The following LAMA3 variants were observed in gnomAD, a reference collection of about 807,000 sequenced individuals.
LAMA3 encodes the protein laminin subunit alpha-3.
In LAMA3, 281 loss-of-function variants were observed where a neutral mutation model predicts 402.0. The ratio of observed to expected loss-of-function variants is 0.70; its 90% CI spans 0.63 to 0.77. The LOEUF is 0.77. Among genes scored for constraint, LAMA3 ranks in the 30% least tolerant of loss-of-function variants. LAMA3 has a pLI of 0.00. For missense variants in LAMA3, 3,840 were observed against 4,215.5 expected (o/e 0.91, Z 2.47); for synonymous variants, 1,431 against 1,558.4 (o/e 0.92, Z 1.93).
intron 38 of LAMA3, among the ~76,000 whole-genome samples, chr18:23,874,966 C>T (rs1033989548): frequency 2.6e-5 from 4 of 152,148 alleles, no homozygotes; most frequent in East Asian, 1.9e-4. Context: ...CAGGTTCAAG[C>T]GATCCTCCCA....
In LAMA3 at chr18:23,853,435, G is replaced by A. The variant is rs570781667; in HGVS notation, c.4137-4409G>A. On this transcript the variant is annotated intron_variant, in intron 32 of 74. Transcript: ENST00000313654. ...ATTACAGGCATGCACCACCACACCC[G>A]GCTAATTTTGTATTTTTAGTAGAGA... Among the ~76,000 whole-genome samples the A allele has an allele frequency of 1.6e-3, 251 of 152,144 alleles. 2 individuals carry two copies. Among genetic ancestry groups the A allele is most frequent in the Middle Eastern group, 0.01 (3 of 294 alleles).
At chr18:23,799,373 GTTGGTGT>G (rs937810031) in intron 12 of LAMA3, among the ~76,000 whole-genome samples, 1 of 152,354 alleles carries the variant, frequency 6.6e-6, no homozygotes, top group South Asian at 2.1e-4. Context: ...CAATGCTAGA[GTTGGTGT>G]TTGGGATTTG....
chr18:23,714,376 C>T (rs528918144), intron 2 of LAMA3, among the ~76,000 whole-genome samples: 3 of 151,918 alleles, frequency 2.0e-5, no homozygotes, highest in African/African-American at 4.8e-5. Flanking sequence ...AAAAATTAGC[C>T]GGGTGTGGTG....
chr18:23,770,936 T>C lies in LAMA3; in HGVS notation c.1183-2561T>C, dbSNP rs1186546608. Among the ~76,000 whole-genome samples the C allele has an allele frequency of 5.3e-5, 8 of 152,312 alleles. No individual in the cohort carries two copies. In the East Asian group the frequency reaches 1.3e-3, roughly 26 times the overall value. On this transcript the variant is annotated intron_variant, in intron 8 of 74. Transcript: ENST00000313654. ...TGACAACATCAAATTTTGGTGAGAA[T>C]GTGGAATAACCACACCTATTCATCA...
chr18:23,752,810 TCAA>T (rs762116077), intron 5 of LAMA3, among the ~76,000 whole-genome samples: 7 of 152,216 alleles, frequency 4.6e-5, no homozygotes, highest in African/African-American at 1.2e-4. Flanking sequence ...GCAGCCACAC[TCAA>T]CAACAACAAC....
intron 2 of LAMA3, among the ~76,000 whole-genome samples, chr18:23,741,774 T>C (rs755151566): frequency 6.6e-6 from 1 of 152,162 alleles, no homozygotes; most frequent in Non-Finnish European, 1.5e-5. Flanking sequence ...CTTAGCATTA[T>C]CAATAATAGG....
At chr18:23,706,935 G>A (rs1478575436) in intron 1 of LAMA3, among the ~76,000 whole-genome samples, 1 of 152,142 alleles carries the variant, frequency 6.6e-6, no homozygotes, top group African/African-American at 2.4e-5. Flanking sequence ...AAAATTAGCT[G>A]GACGTGGTGG....
intron 32 of LAMA3, among the ~76,000 whole-genome samples, chr18:23,853,567 C>T (rs1448219075): frequency 6.6e-6 from 1 of 152,136 alleles, no homozygotes; most frequent in Non-Finnish European, 1.5e-5. Flanking sequence ...CCACTGCACC[C>T]GGCCCCTTAA....
chr18:23,766,735 A>G (rs1233972074), intron 8 of LAMA3, among the ~76,000 whole-genome samples: 1 of 152,076 alleles, frequency 6.6e-6, no homozygotes, highest in Non-Finnish European at 1.5e-5. Context: ...GATACTCGGG[A>G]GGCTGAGGCA....
intron 12 of LAMA3, among the ~76,000 whole-genome samples, chr18:23,803,773 C>G (rs1475937246): frequency 6.6e-6 from 1 of 152,224 alleles, no homozygotes; most frequent in Admixed American, 6.5e-5. Context: ...TGTGCTGCAG[C>G]TGTCCACTTT....
chr18:23,747,823 G>A, intron 2 of LAMA3, 120 bp from the exon 3 acceptor site: 1 of 734,712 alleles, frequency 1.4e-6, no homozygotes, highest in Non-Finnish European at 2.5e-6. Flanking sequence ...TCAGGATCGG[G>A]ATCTTGAGCA....
At chr18:23,947,713 T>G (rs2082754763) in intron 70 of LAMA3, among the ~76,000 whole-genome samples, 1 of 152,104 alleles carries the variant, frequency 6.6e-6, no homozygotes, top group Admixed American at 6.5e-5. Context: ...TATCCATTAT[T>G]TATAATACAC....
At chr18:23,890,257 A>C (rs979967925) in intron 42 of LAMA3, 140 bp downstream of exon 42, 2 of 693,546 alleles carry the variant, frequency 2.9e-6, no homozygotes, top group Non-Finnish European at 5.3e-6. Context: ...CATAATACAC[A>C]ATTCCAGCCA....
intron 29 of LAMA3, among the ~76,000 whole-genome samples, chr18:23,842,973 C>T (rs1027063190): frequency 2.6e-5 from 4 of 152,100 alleles, no homozygotes; most frequent in African/African-American, 4.8e-5. Flanking sequence ...TAGGCGTCGC[C>T]CCTCTCCACC....
intron 56 of LAMA3, 76 bp downstream of exon 56, chr18:23,912,957 C>T (rs552230043): frequency 7.6e-6 from 10 of 1,323,414 alleles, no homozygotes; most frequent in East Asian, 4.6e-5. Context: ...ATGTGTGGCA[C>T]GGCTGCATCA....
chr18:23,878,175 C>A (rs1016451350), intron 39 of LAMA3, among the ~76,000 whole-genome samples: 73 of 152,152 alleles, frequency 4.8e-4, no homozygotes, highest in Non-Finnish European at 7.4e-5. Flanking sequence ...GATGTCAAGC[C>A]CATCTTATGA....
At chr18:23,898,684 A>C in intron 44 of LAMA3, 54 bp from the exon 45 acceptor site, 1 of 971,330 alleles carries the variant, frequency 1.0e-6, no homozygotes, top group South Asian at 1.3e-5. Flanking sequence ...GACCAGGTTG[A>C]TAGGACTTAG....
chr18:23,795,192 C>A (rs1473073847), intron 12 of LAMA3, among the ~76,000 whole-genome samples: 1 of 152,152 alleles, frequency 6.6e-6, no homozygotes, highest in Admixed American at 6.6e-5. Flanking sequence ...GTTTTGCAAG[C>A]CAATTGCATG....
At chr18:23,815,100 C>T (rs1052571541) in intron 15 of LAMA3, 88 bp from the exon 16 acceptor site, 38 of 1,168,880 alleles carry the variant, frequency 3.3e-5, no homozygotes, top group Middle Eastern at 4.3e-4. Flanking sequence ...CAACTGCACA[C>T]GTTGTGTTGC....
Sources: gnomAD v4.1 joint callset for allele counts (sites outside exome capture counted in the v4.1 genomes callset) on GRCh38, gnomAD v4.1.1 for gene constraint, MANE v1.5 for transcripts, NCBI Gene and HGNC (gene_info 2026-07-23, HGNC 2026-07-21) for gene names.